The following SYTL3 variants were observed in gnomAD, a reference collection of about 807,000 sequenced individuals.
SYTL3 encodes synaptotagmin like 3.
In SYTL3, 88 loss-of-function variants were observed where a neutral mutation model predicts 82.1. The observed-to-expected ratio is 1.07, with a 90% CI of 0.90 to 1.28. The LOEUF is 1.28. Ranked by LOEUF, SYTL3 falls within the 50% of genes most tolerant of loss-of-function variation. SYTL3 has a pLI of 0.00. For synonymous variants in SYTL3, 311 were observed against 289.4 expected (o/e 1.07, Z -0.76); for missense variants, 831 against 757.6 (o/e 1.10, Z -1.14).
chr6:158,734,163 CTTT>C (rs1583419683), intron 11 of SYTL3, among the ~76,000 whole-genome samples: 2 of 148,448 alleles, frequency 1.3e-5, no homozygotes, highest in African/African-American at 5.0e-5. Flanking sequence ...TAAAAAAAAC[CTTT>C]TTGTCTAAAT....
chr6:158,650,661 G>A (rs1317690999), intron 1 of SYTL3, among the ~76,000 whole-genome samples: 1 of 152,058 alleles, frequency 6.6e-6, no homozygotes, highest in East Asian at 1.9e-4. Context: ...ATTAGAATTG[G>A]GCTGGGTGCG....
At position 158,708,398 on chromosome 6, in the gene SYTL3, T is replaced by G. The variant is rs757984624; in HGVS notation, c.516+7T>G. 1 of 1,613,640 alleles carries G rather than the reference T, an allele frequency of 6.2e-7. No individual in the cohort carries two copies. Among genetic ancestry groups the G allele is most frequent in the East Asian group, 2.2e-5 (1 of 44,878 alleles). On this transcript the variant is annotated splice_region_variant and intron_variant, in intron 8 of 17. Coordinates refer to ENST00000611299, the MANE Select transcript of SYTL3 (RefSeq NM_001242394.2). ...CAGCCGCAGTCCTGGCAGGGTAACG[T>G]ATCCATTCTGGGCACTTCTCTAGTA...
rs747194743 is a variant in SYTL3 at position 158,725,640 on chromosome 6, G to A, written c.855+3G>A. The A allele has an allele frequency of 1.2e-6, 2 of 1,612,408 alleles. No homozygotes were observed. Among genetic ancestry groups the A allele is most frequent in the South Asian group, 1.1e-5 (1 of 90,806 alleles). Reference sequence around the variant, plus strand: ...TATTCTCTGGAGGTTTTAGACACGTGAGTCTCATTCCAATGCTCTTTTTTT... The same window carrying A: ...TATTCTCTGGAGGTTTTAGACACGTAAGTCTCATTCCAATGCTCTTTTTTT... On this transcript the variant is annotated splice_donor_region_variant and intron_variant, in intron 11 of 17. Coordinates refer to ENST00000611299, the MANE Select transcript of SYTL3 (RefSeq NM_001242394.2).
At chr6:158,703,648 T>C (rs80186263) in intron 6 of SYTL3, among the ~76,000 whole-genome samples, 5,735 of 152,054 alleles carry the variant, frequency 0.038, 131 homozygotes, top group Middle Eastern at 0.068. Context: ...CCAATGGGAT[T>C]GGGGCTCTGC....
At chr6:158,654,797 A>G (rs1407841691) in intron 2 of SYTL3, among the ~76,000 whole-genome samples, 2 of 152,190 alleles carry the variant, frequency 1.3e-5, no homozygotes, top group African/African-American at 2.4e-5. Flanking sequence ...AAAGTGACAC[A>G]GAGACAGGAT....
chr6:158,669,684 A>C (rs1452670681), intron 5 of SYTL3, among the ~76,000 whole-genome samples: 1 of 152,256 alleles, frequency 6.6e-6, no homozygotes, highest in Non-Finnish European at 1.5e-5. Flanking sequence ...AAATTGATCC[A>C]GACCTTGGCA....
chr6:158,664,401 C>T (rs995527260), intron 4 of SYTL3, among the ~76,000 whole-genome samples: 18 of 152,140 alleles, frequency 1.2e-4, no homozygotes, highest in Admixed American at 3.3e-4. Context: ...AAAAATTAGC[C>T]GGGCGGTGGC....
At chr6:158,672,656 G>C (rs1777533954) in intron 5 of SYTL3, among the ~76,000 whole-genome samples, 1 of 142,902 alleles carries the variant, frequency 7.0e-6, no homozygotes, top group African/African-American at 2.6e-5. Context: ...TTTTGAGACT[G>C]AGTCTCACTC....
At chr6:158,733,829 G>A (rs558854955) in intron 11 of SYTL3, among the ~76,000 whole-genome samples, 75 of 150,428 alleles carry the variant, frequency 5.0e-4, no homozygotes, top group African/African-American at 1.8e-3. Context: ...CGGGCGCGGT[G>A]GCTCACGCCT....
chr6:158,717,183 A>C (rs1783519166), intron 9 of SYTL3, among the ~76,000 whole-genome samples: 4 of 152,176 alleles, frequency 2.6e-5, no homozygotes. Context: ...CTGAGGCATG[A>C]GAATCACTTG....
chr6:158,748,077 T>C (rs976931991), intron 12 of SYTL3, among the ~76,000 whole-genome samples: 1 of 128,476 alleles, frequency 7.8e-6, no homozygotes, highest in Admixed American at 7.0e-5. Flanking sequence ...CTTATCGTTT[T>C]TTTTTTTTTT....
intron 11 of SYTL3, among the ~76,000 whole-genome samples, chr6:158,729,453 C>T (rs1785128311): frequency 1.3e-5 from 2 of 152,264 alleles, no homozygotes; most frequent in South Asian, 4.2e-4. Context: ...TCCCAGAGGC[C>T]CCACCTCTTC....
chr6:158,651,918 A>G (rs1788064874), intron 2 of SYTL3, 76 bp downstream of exon 2: 1 of 150,826 alleles, frequency 6.6e-6, no homozygotes, highest in Non-Finnish European at 1.5e-5. Context: ...ATTTATTTTT[A>G]TGTATTTTTA....
intron 14 of SYTL3, among the ~76,000 whole-genome samples, chr6:158,759,625 T>C (rs997200532): frequency 2.0e-5 from 3 of 152,194 alleles, no homozygotes; most frequent in East Asian, 1.9e-4. Flanking sequence ...CTCTGTCCCC[T>C]GGGTTCAAGT....
intron 16 of SYTL3, 112 bp downstream of exon 16, chr6:158,762,290 T>TAAA: frequency 1.4e-6 from 1 of 727,808 alleles, no homozygotes; most frequent in Non-Finnish European, 2.2e-6. Flanking sequence ...CGTCTTATTT[T>TAAA]AGCTTTCCTA....
rs142662215 is a variant in SYTL3, at chr6:158,660,869, G to A, written c.-636-400G>A. ...ACTGCTTGAGCCCAGACCAGCCTGC[G>A]CAACATGGTGAAACCCATCTCTACA... is the stretch of plus-strand genomic sequence containing the variant. On this transcript the variant is annotated intron_variant, in intron 2 of 17. Transcript: ENST00000611299. Among the ~76,000 whole-genome samples, 230 of 152,184 alleles carry A rather than the reference G, an allele frequency of 1.5e-3. 1 individual carries two copies. The highest frequency in any genetic ancestry group is 5.1e-3 in the African/African-American group (210 of 41,510).
chr6:158,687,501 A>G (rs1156968758), intron 6 of SYTL3, among the ~76,000 whole-genome samples: 1 of 152,202 alleles, frequency 6.6e-6, no homozygotes, highest in Non-Finnish European at 1.5e-5. Context: ...AAGGGTCTGA[A>G]TATCAGGAAG....
rs756749893 is a variant in SYTL3, at chr6:158,718,134, G to A, written c.643G>A (p.Ala215Thr). ...TATGACTTCTGAGAAGCATCTTCTC[G>A]CCACGGGCCCCAGGCAGTGTGTGGG... Reference protein sequence around the residue: ...NDMTSEKHLLATGPRQCVGQT... With the variant: ...NDMTSEKHLLTTGPRQCVGQT... Residue 215 changes from alanine (A) to threonine (T), a missense_variant, in exon 10 of 18, where the codon GCC becomes ACC. Ala to Thr is a moderately conservative substitution (Grantham distance 58, BLOSUM62 0). Transcript: ENST00000611299. 1.2e-5 allele frequency: 19 copies of A among 1,545,640 alleles called. No homozygotes were observed. Among genetic ancestry groups the A allele is most frequent in the Admixed American group, 1.2e-4 (6 of 50,458 alleles).
intron 17 of SYTL3, 143 bp from the exon 18 acceptor site, chr6:158,764,352 T>C (rs7762579): frequency 0.42 from 252,215 of 604,310 alleles, 56,073 homozygotes; most frequent in Non-Finnish European, 0.48. Context: ...GGAGTGGTGG[T>C]GGCGGCGTCT....
Sources: allele counts gnomAD v4.1 joint callset (sites outside exome capture counted in the v4.1 genomes callset), GRCh38; gene constraint gnomAD v4.1.1; transcripts MANE v1.5; gene names NCBI Gene and HGNC (gene_info 2026-07-23, HGNC 2026-07-21).